Variants in LRP1B observed in about 807,000 individuals in gnomAD.
The protein encoded by LRP1B is low-density lipoprotein receptor-related protein 1B.
LRP1B carries 217 observed loss-of-function variants against 556.6 expected under a neutral mutation model. That is an observed-to-expected ratio of 0.39 (90% CI 0.35 to 0.44). The LOEUF (loss-of-function observed/expected upper bound fraction) is 0.44. LRP1B is among the 20% of genes least tolerant of loss of function. LRP1B has a pLI of 1.00. For synonymous variants in LRP1B, 2,047 were observed against 1,865.8 expected (o/e 1.10, Z -2.50); for missense variants, 5,053 against 5,620.8 (o/e 0.90, Z 3.23).
intron 41 of LRP1B, among the ~76,000 whole-genome samples, chr2:140,645,541 T>A (rs2105308521): frequency 7.4e-6 from 1 of 134,938 alleles, no homozygotes; most frequent in East Asian, 2.1e-4. Context: ...TTCTTTTTTT[T>A]TTTTTTTTTT....
At chr2:140,575,059 G>A (rs912787676) in intron 43 of LRP1B, among the ~76,000 whole-genome samples, 1 of 152,088 alleles carries the variant, frequency 6.6e-6, no homozygotes, top group African/African-American at 2.4e-5. Context: ...CCTAGCTATG[G>A]ATGGACAAAT....
rs200161711 is a variant in LRP1B at position 141,031,286 on chromosome 2, T to C, written c.1790-11184A>G. On this transcript the variant is annotated intron_variant, in intron 11 of 90. Transcript: ENST00000389484. ...ACACACACACACACACACACATACA[T>C]ACATATATATATAAAGAGAGAGAGA... Among the ~76,000 whole-genome samples, 419 of 122,300 alleles carry C rather than the reference T, an allele frequency of 3.4e-3. 2 individuals are homozygous for C. The highest frequency in any genetic ancestry group is 0.011 in the African/African-American group (344 of 32,218). The allele number at this position is 122,300 out of a possible 152,430, so 80.2% of individuals were successfully genotyped here.
intron 2 of LRP1B, among the ~76,000 whole-genome samples, chr2:141,640,881 C>A (rs1291832841): frequency 1.3e-5 from 2 of 152,024 alleles, no homozygotes; most frequent in East Asian, 3.9e-4. Context: ...TCACATAACT[C>A]CTTCTTTACA....
chr2:141,403,347 A>G (rs570539543), intron 3 of LRP1B, among the ~76,000 whole-genome samples: 1 of 152,078 alleles, frequency 6.6e-6, no homozygotes, highest in African/African-American at 2.4e-5. Flanking sequence ...ATTAAAAAAA[A>G]CCCTGCAATT....
chr2:140,709,580 T>C (rs1686962240), intron 37 of LRP1B, among the ~76,000 whole-genome samples: 1 of 151,986 alleles, frequency 6.6e-6, no homozygotes, highest in Non-Finnish European at 1.5e-5. Flanking sequence ...ATGATTCCTA[T>C]TTTGTATTTG....
chr2:141,144,533 A>G (rs1701734682), intron 7 of LRP1B, among the ~76,000 whole-genome samples: 1 of 152,164 alleles, frequency 6.6e-6, no homozygotes, highest in Non-Finnish European at 1.5e-5. Flanking sequence ...TCTAAGTTAA[A>G]TCTCTCTAGT....
chr2:140,552,185 T>A (rs1680569247), intron 43 of LRP1B, among the ~76,000 whole-genome samples: 1 of 152,172 alleles, frequency 6.6e-6, no homozygotes, highest in Admixed American at 6.6e-5. Flanking sequence ...AAGATAGTCA[T>A]TTCTTTGATT....
intron 3 of LRP1B, among the ~76,000 whole-genome samples, chr2:141,373,061 A>G (rs1689292120): frequency 6.6e-6 from 1 of 152,022 alleles, no homozygotes; most frequent in Non-Finnish European, 1.5e-5. Context: ...TTTGTTCCAA[A>G]ATTTTTAAAA....
At chr2:140,406,743 A>C (rs1157488989) in intron 66 of LRP1B, among the ~76,000 whole-genome samples, 1 of 152,172 alleles carries the variant, frequency 6.6e-6, no homozygotes, top group East Asian at 1.9e-4. Flanking sequence ...GAAAGAATGA[A>C]TGTTGTGAAA....
At chr2:141,582,181 C>T (rs1480964809) in intron 2 of LRP1B, among the ~76,000 whole-genome samples, 4 of 152,138 alleles carry the variant, frequency 2.6e-5, no homozygotes, top group Non-Finnish European at 5.9e-5. Context: ...GGGCTTTTCT[C>T]TAAGAAGTAA....
chr2:140,297,790 G>C lies in LRP1B; in HGVS notation c.12967+18C>G, dbSNP rs2105000280. 6.3e-7 allele frequency: 1 copy of C among 1,594,926 alleles called. No homozygotes were observed. On this transcript the variant is annotated intron_variant, in intron 84 of 90. Transcript: ENST00000389484. ...ACATAAACATCAAAGCTGGCTTCTG[G>C]GTGCTGCTTTTACTTACAGTACTGA...
intron 41 of LRP1B, among the ~76,000 whole-genome samples, chr2:140,669,124 C>T (rs1372986992): frequency 6.6e-6 from 1 of 152,116 alleles, no homozygotes; most frequent in Non-Finnish European, 1.5e-5. Context: ...CATTCAAGTG[C>T]TTGCTTTGTC....
chr2:140,889,162 T>C (rs1474494953), intron 23 of LRP1B, among the ~76,000 whole-genome samples: 3 of 152,188 alleles, frequency 2.0e-5, no homozygotes, highest in East Asian at 1.9e-4. Context: ...TGAAGTCACA[T>C]AGTAATTGAG....
intron 2 of LRP1B, 102 bp downstream of exon 2, chr2:141,810,176 AG>A (rs1696312825): frequency 2.3e-6 from 2 of 859,918 alleles, no homozygotes; most frequent in East Asian, 3.0e-5. Context: ...AAGGAAAGAA[AG>A]AAAGAAAGAA....
chr2:140,816,851 T>A (rs1691142924), intron 31 of LRP1B, among the ~76,000 whole-genome samples: 1 of 152,180 alleles, frequency 6.6e-6, no homozygotes, highest in African/African-American at 2.4e-5. Context: ...CAAATGTTTT[T>A]GCATCATAAG....
At chr2:141,230,443 C>T (rs1320542624) in intron 5 of LRP1B, among the ~76,000 whole-genome samples, 1 of 152,136 alleles carries the variant, frequency 6.6e-6, no homozygotes, top group African/African-American at 2.4e-5. Context: ...TACAATATCC[C>T]AACACAACAG....
intron 1 of LRP1B, among the ~76,000 whole-genome samples, chr2:142,049,888 T>A (rs906739037): frequency 6.6e-6 from 1 of 152,160 alleles, no homozygotes; most frequent in African/African-American, 2.4e-5. Context: ...GTTGGATTCT[T>A]CCTCTTGTGG....
chr2:140,796,785 T>C (rs936260547), intron 32 of LRP1B, among the ~76,000 whole-genome samples: 4 of 152,092 alleles, frequency 2.6e-5, no homozygotes, highest in Non-Finnish European at 5.9e-5. Flanking sequence ...GCATTTAAAA[T>C]AACCTGGATT....
intron 11 of LRP1B, among the ~76,000 whole-genome samples, chr2:141,025,034 C>T (rs1698178496): frequency 6.6e-6 from 1 of 152,146 alleles, no homozygotes; most frequent in Middle Eastern, 3.4e-3. Flanking sequence ...TACTTTGAGA[C>T]ATGCAGAAAT....
Sources: gnomAD v4.1 joint callset for allele counts (sites outside exome capture counted in the v4.1 genomes callset) on GRCh38, gnomAD v4.1.1 for gene constraint, MANE v1.5 for transcripts, NCBI Gene and HGNC (gene_info 2026-07-23, HGNC 2026-07-21) for gene names.